Variants in PCDHA8 observed in about 807,000 individuals in gnomAD.
The protein encoded by PCDHA8 is protocadherin alpha-8.
Under a neutral mutation model 61.8 loss-of-function variants are expected in PCDHA8, and 53 were observed. That is an observed-to-expected ratio of 0.86 (90% CI 0.69 to 1.08). The LOEUF is 1.08. Among genes scored for constraint, PCDHA8 ranks in the 50% least tolerant of loss-of-function variants. PCDHA8 has a pLI of 0.00. For synonymous variants in PCDHA8, 618 were observed against 556.6 expected (o/e 1.11, Z -1.55); for missense variants, 1,293 against 1,245.0 (o/e 1.04, Z -0.58).
At chr5:140,985,047 C>T (rs1417890181) in intron 3 of PCDHA8, among the ~76,000 whole-genome samples, 5 of 152,076 alleles carry the variant, frequency 3.3e-5, no homozygotes, top group African/African-American at 9.7e-5. Context: ...AAGTGATTCT[C>T]CTGCCTCAGC....
At chr5:140,969,260 C>G (rs782595245) in intron 1 of PCDHA8, 1 of 1,614,228 alleles carries the variant, frequency 6.2e-7, no homozygotes, top group South Asian at 1.1e-5. Context: ...CAGCAGGAAT[C>G]TCACAGGCCA....
At chr5:140,966,659 G>C in intron 1 of PCDHA8, 5 of 1,217,658 alleles carry the variant, frequency 4.1e-6, no homozygotes, top group Non-Finnish European at 5.3e-6. Context: ...AGCGGTGGGG[G>C]AGCAGGCGCA....
intron 3 of PCDHA8, among the ~76,000 whole-genome samples, chr5:141,008,201 A>T (rs2098364434): frequency 6.6e-6 from 1 of 152,212 alleles, no homozygotes; most frequent in Admixed American, 6.5e-5. Context: ...TAATATAATG[A>T]ACTTGACATG....
chr5:140,966,702 G>T, intron 1 of PCDHA8: 1 of 1,367,880 alleles, frequency 7.3e-7, no homozygotes. Flanking sequence ...GCCCGGGCGT[G>T]GGGCACGGCT....
At chr5:140,857,890 G>A in intron 1 of PCDHA8, 3 of 1,597,852 alleles carry the variant, frequency 1.9e-6, no homozygotes, top group Non-Finnish European at 2.6e-6. Context: ...AGTCGGCGGC[G>A]GTTGGTGCAC....
At chr5:140,919,222 C>G (rs1367427149) in intron 1 of PCDHA8, among the ~76,000 whole-genome samples, 3 of 152,144 alleles carry the variant, frequency 2.0e-5, no homozygotes, top group African/African-American at 7.2e-5. Flanking sequence ...TTCTTGATTT[C>G]TAGTAACACT....
chr5:140,937,326 C>T (rs1287239556), intron 1 of PCDHA8, among the ~76,000 whole-genome samples: 1 of 152,164 alleles, frequency 6.6e-6, no homozygotes, highest in South Asian at 2.1e-4. Context: ...CGTGAGCCAC[C>T]GCGCCCGGCT....
rs1777168943 is a variant in PCDHA8, at chr5:140,841,346, C to G, written c.25C>G (p.Leu9Val). ...CATGGATTATCACTGGCGAGGAGAGCTGGGATCCTGGCGACTACTACTCTT... is the reference window on the plus strand; with the variant it reads ...CATGGATTATCACTGGCGAGGAGAGGTGGGATCCTGGCGACTACTACTCTT... MDYHWRGE[L>V]GSWRLLLLLL... The change falls in exon 1 of 4, where the codon CTG becomes GTG. Residue 9 changes from leucine to valine, a missense_variant. Leu to Val is a conservative substitution (Grantham distance 32). Transcript: ENST00000531613. The G allele has an allele frequency of 6.2e-7, 1 of 1,612,554 alleles. No homozygotes were observed. Among genetic ancestry groups the G allele is most frequent in the Non-Finnish European group, 8.5e-7 (1 of 1,179,078 alleles).
chr5:140,906,962 C>T (rs1554192812), intron 1 of PCDHA8, among the ~76,000 whole-genome samples: 2 of 152,146 alleles, frequency 1.3e-5, no homozygotes, highest in South Asian at 4.1e-4. Context: ...TTAATGGAAT[C>T]GTGGTTGTGT....
At chr5:140,850,270 G>A (rs782505254) in intron 1 of PCDHA8, 1 of 1,594,948 alleles carries the variant, frequency 6.3e-7, no homozygotes, top group African/African-American at 1.3e-5. Flanking sequence ...GTAGTGGTGG[G>A]GAAGGTGCGC....
intron 3 of PCDHA8, among the ~76,000 whole-genome samples, chr5:141,001,710 G>A (rs1422821009): frequency 6.6e-6 from 1 of 152,208 alleles, no homozygotes; most frequent in Non-Finnish European, 1.5e-5. Flanking sequence ...AGGGGGCGGG[G>A]AAGGAGCTTG....
chr5:140,871,092 C>T lies in PCDHA8; in HGVS notation c.2394+27377C>T, dbSNP rs575877743. 10 of 1,613,260 alleles carry T rather than the reference C, an allele frequency of 6.2e-6. No homozygotes were observed. The Admixed American group carries it at 8.3e-5, about 13-fold the overall frequency. ...AGCCGGCGCTGACGGCCACGGCCAC[C>T]GTGCTGGTGTCGTTGGTGGAGAGCG... is the stretch of plus-strand genomic sequence containing the variant. On this transcript the variant is annotated intron_variant, in intron 1 of 3. Transcript: ENST00000531613.
intron 1 of PCDHA8, chr5:140,862,477 A>G (rs1227905551): frequency 2.6e-6 from 1 of 379,090 alleles, no homozygotes; most frequent in African/African-American, 2.1e-5. Context: ...AAATCTATCC[A>G]TTGTTGGTAA....
At chr5:140,961,997 C>T (rs1160116142) in intron 1 of PCDHA8, among the ~76,000 whole-genome samples, 1 of 152,080 alleles carries the variant, frequency 6.6e-6, no homozygotes, top group South Asian at 2.1e-4. Context: ...CATTGTCCTG[C>T]CTCAGCTTCC....
At chr5:141,004,839 C>G (rs1168305271) in intron 3 of PCDHA8, among the ~76,000 whole-genome samples, 1 of 152,168 alleles carries the variant, frequency 6.6e-6, no homozygotes, top group Non-Finnish European at 1.5e-5. Context: ...AGATCAAAGT[C>G]ATTAGTCTCA....
intron 1 of PCDHA8, chr5:140,882,534 G>A (rs1554174427): frequency 8.7e-6 from 14 of 1,614,086 alleles, no homozygotes; most frequent in Non-Finnish European, 1.1e-5. Flanking sequence ...GTGAATTCTC[G>A]GATCGACCGC....
At chr5:140,946,925 C>T (rs1431365562) in intron 1 of PCDHA8, among the ~76,000 whole-genome samples, 1 of 151,242 alleles carries the variant, frequency 6.6e-6, no homozygotes, top group South Asian at 2.1e-4. Context: ...TTTTATTGAA[C>T]AGTAGAGTGT....
chr5:140,856,981 C>T lies in PCDHA8; in HGVS notation c.2394+13266C>T, dbSNP rs1554149362. 1.2e-5 allele frequency: 19 copies of T among 1,594,810 alleles called. 1 individual carries two copies. Among genetic ancestry groups the T allele is most frequent in the Non-Finnish European group, 1.5e-5 (18 of 1,164,604 alleles). Reference sequence around the variant, plus strand: ...TAAATGATGCTATTGACTTTGAGGACAGTAACACTTATGAAATTCATGTAG... The same window carrying T: ...TAAATGATGCTATTGACTTTGAGGATAGTAACACTTATGAAATTCATGTAG... On this transcript the variant is annotated intron_variant, in intron 1 of 3. Transcript: ENST00000531613.
At chr5:140,966,489 C>T in intron 1 of PCDHA8, 1 of 440,146 alleles carries the variant, frequency 2.3e-6, no homozygotes, top group Non-Finnish European at 3.9e-6. Flanking sequence ...TTCCCTCCCC[C>T]TGGAGCTGTA....
Sources: gnomAD v4.1 joint callset for allele counts (sites outside exome capture counted in the v4.1 genomes callset) on GRCh38, gnomAD v4.1.1 for gene constraint, MANE v1.5 for transcripts, NCBI Gene and HGNC (gene_info 2026-07-23, HGNC 2026-07-21) for gene names.